The following PPP2CA variants were observed in gnomAD, a reference collection of about 807,000 sequenced individuals.
PPP2CA encodes the protein serine/threonine-protein phosphatase 2A catalytic subunit alpha isoform.
In PPP2CA, 5 loss-of-function variants were observed where a neutral mutation model predicts 38.8. The observed-to-expected ratio is 0.13, with a 90% CI of 0.07 to 0.27. The LOEUF (loss-of-function observed/expected upper bound fraction) is 0.27. PPP2CA is among the 10% of genes least tolerant of loss of function. The pLI, the probability that PPP2CA is intolerant of heterozygous loss-of-function variation, is 1.00. For missense variants in PPP2CA, 88 were observed against 389.7 expected (o/e 0.23, Z 6.52); for synonymous variants, 152 against 134.0 (o/e 1.13, Z -0.93).
chr5:134,212,686 T>C (rs1762226753), intron 1 of PPP2CA, among the ~76,000 whole-genome samples: 2 of 152,224 alleles, frequency 1.3e-5, no homozygotes, highest in Admixed American at 1.3e-4. Context: ...GTAGGCTTCT[T>C]GCACCAAACT....
chr5:134,209,997 G>A (rs1381609305), intron 1 of PPP2CA, among the ~76,000 whole-genome samples: 1 of 151,924 alleles, frequency 6.6e-6, no homozygotes, highest in Non-Finnish European at 1.5e-5. Flanking sequence ...AGAATCGCTT[G>A]AGCCCAGAAG....
chr5:134,200,624 C>T (rs1761949997), intron 4 of PPP2CA, 128 bp from the exon 5 acceptor site: 1 of 1,039,148 alleles, frequency 9.6e-7, no homozygotes, highest in Admixed American at 2.8e-5. Context: ...TGCTAATAGA[C>T]TGTGCAGTTG....
intron 1 of PPP2CA, among the ~76,000 whole-genome samples, chr5:134,220,122 G>A (rs1028653558): frequency 6.6e-6 from 1 of 151,460 alleles, no homozygotes; most frequent in African/African-American, 2.4e-5. Flanking sequence ...TCTTCAGCCT[G>A]GTCTACCACT....
At position 134,206,138 on chromosome 5, in the gene PPP2CA, A is replaced by G; in HGVS notation, c.103-7T>C. ...TTGTCAGGATTTCTTTAGCCTACAG[A>G]TGGGAGACAAAAATAAGGCAATACA... On this transcript the variant is annotated splice_polypyrimidine_tract_variant and splice_region_variant and intron_variant, in intron 1 of 6. Transcript: ENST00000481195. The G allele has an allele frequency of 6.2e-7, 1 of 1,605,462 alleles. No homozygotes were observed. Among genetic ancestry groups the G allele is most frequent in the Admixed American group, 1.7e-5 (1 of 59,896 alleles).
At chr5:134,223,144 A>T (rs570511713) in intron 1 of PPP2CA, among the ~76,000 whole-genome samples, 1 of 152,228 alleles carries the variant, frequency 6.6e-6, no homozygotes, top group Non-Finnish European at 1.5e-5. Flanking sequence ...TGATTGAAGA[A>T]ATTATCAACT....
At chr5:134,204,825 G>A (rs904982975) in intron 2 of PPP2CA, among the ~76,000 whole-genome samples, 27 of 151,790 alleles carry the variant, frequency 1.8e-4, no homozygotes, top group African/African-American at 6.3e-4. Context: ...TAAACCATAT[G>A]TACATACATA....
At chr5:134,213,733 T>A (rs1230113265) in intron 1 of PPP2CA, among the ~76,000 whole-genome samples, 2 of 151,464 alleles carry the variant, frequency 1.3e-5, no homozygotes, top group African/African-American at 4.9e-5. Flanking sequence ...CAGTGAACTA[T>A]GATGATGTCA....
chr5:134,214,798 A>C (rs1450505888), intron 1 of PPP2CA, among the ~76,000 whole-genome samples: 1 of 152,206 alleles, frequency 6.6e-6, no homozygotes, highest in Non-Finnish European at 1.5e-5. Flanking sequence ...ATATAGCCAG[A>C]AATTTTCTAT....
Position 134,196,659 on chromosome 5 carries a change from A to G in PPP2CA, c.*1113T>C, listed in dbSNP as rs1761858279. ...CTGTCAATCATTTTAAAGAGTCCAT[A>G]TAATATACACATAGCAATATAATAT... is the stretch of plus-strand genomic sequence containing the variant. On this transcript the variant is annotated 3_prime_UTR_variant, in exon 7 of 7. Coordinates refer to ENST00000481195, the MANE Select transcript of PPP2CA (RefSeq NM_002715.4). 6.6e-6 allele frequency: 1 copy of G among 152,260 alleles called. No homozygotes were observed. The highest frequency in any genetic ancestry group is 6.5e-5 in the Admixed American group (1 of 15,286). 9.4% of individuals were successfully genotyped at this position (152,260 alleles called of 1,614,324 possible). A position where few individuals can be genotyped will look rare whatever the true frequency, so the allele number is the denominator to read the frequency against.
chr5:134,208,185 G>C (rs1235974487), intron 1 of PPP2CA, among the ~76,000 whole-genome samples: 1 of 152,184 alleles, frequency 6.6e-6, no homozygotes, highest in Non-Finnish European at 1.5e-5. Context: ...CACATTTAAA[G>C]CTATCAGAAG....
At position 134,194,990 on chromosome 5, in the gene PPP2CA, A is replaced by G. The variant is rs1203421729; in HGVS notation, c.*2782T>C. The G allele has an allele frequency of 6.6e-6, 1 of 152,212 alleles. No homozygotes were observed. Among genetic ancestry groups the G allele is most frequent in the African/African-American group, 2.4e-5 (1 of 41,470 alleles). The allele number at this position is 152,212 out of a possible 1,614,324, so 9.4% of individuals were successfully genotyped here. On this transcript the variant is annotated 3_prime_UTR_variant, in exon 7 of 7. Transcript: ENST00000481195. ...GGGCCCTCCTCCAGCAATTTAAATC[A>G]GAATCTCTGTAGGCATCAAAGCTGA...
In PPP2CA at chr5:134,194,775, G is replaced by C. The variant is rs1240419286; in HGVS notation, c.*2997C>G. 6.6e-6 allele frequency: 1 copy of C among 152,070 alleles called. No individual in the cohort carries two copies. The highest frequency in any genetic ancestry group is 2.4e-5 in the African/African-American group (1 of 41,384). 9.4% of individuals were successfully genotyped at this position (152,070 alleles called of 1,614,324 possible). ...CAGGCTCCTGCCACCACACCGGTCA[G>C]TTTTGTATTTTTAATAGAGATGGGG... On this transcript the variant is annotated 3_prime_UTR_variant, in exon 7 of 7. Transcript: ENST00000481195.
intron 1 of PPP2CA, among the ~76,000 whole-genome samples, chr5:134,210,240 C>A (rs1198715828): frequency 6.6e-6 from 1 of 152,140 alleles, no homozygotes; most frequent in African/African-American, 2.4e-5. Context: ...CCTTTAGCAA[C>A]CATCATTTTC....
intron 1 of PPP2CA, among the ~76,000 whole-genome samples, chr5:134,221,787 T>C (rs1415713434): frequency 1.3e-5 from 2 of 152,010 alleles, no homozygotes; most frequent in East Asian, 1.9e-4. Flanking sequence ...CTGGCCAACA[T>C]GGTGAAATCC....
At chr5:134,220,350 T>C (rs999941030) in intron 1 of PPP2CA, among the ~76,000 whole-genome samples, 2 of 146,048 alleles carry the variant, frequency 1.4e-5, no homozygotes, top group African/African-American at 2.5e-5. Flanking sequence ...TCCCAACTAT[T>C]TGGGAGGCTG....
At chr5:134,203,923 G>A (rs1156941505) in intron 2 of PPP2CA, among the ~76,000 whole-genome samples, 1 of 152,154 alleles carries the variant, frequency 6.6e-6, no homozygotes, top group Non-Finnish European at 1.5e-5. Context: ...GGTTGCCCAG[G>A]CTGCTTGCAT....
intron 6 of PPP2CA, among the ~76,000 whole-genome samples, chr5:134,198,786 G>C (rs145536794): frequency 0.012 from 1,902 of 152,184 alleles, 32 homozygotes; most frequent in African/African-American, 0.043. Flanking sequence ...GGCTTGTCTC[G>C]AACTCCTGAT....
intron 1 of PPP2CA, among the ~76,000 whole-genome samples, chr5:134,222,761 C>A (rs1762472480): frequency 6.6e-6 from 1 of 152,308 alleles, no homozygotes. Context: ...TAGAACTGAG[C>A]CTGAGGCAAA....
At chr5:134,220,749 T>C (rs1762423974) in intron 1 of PPP2CA, among the ~76,000 whole-genome samples, 1 of 152,224 alleles carries the variant, frequency 6.6e-6, no homozygotes, top group South Asian at 2.1e-4. Flanking sequence ...CAGGTAACTC[T>C]GACAAACCTG....
Sources: allele counts gnomAD v4.1 joint callset (sites outside exome capture counted in the v4.1 genomes callset), GRCh38; gene constraint gnomAD v4.1.1; transcripts MANE v1.5; gene names NCBI Gene and HGNC (gene_info 2026-07-23, HGNC 2026-07-21).